Variants in ARHGAP44 observed in about 807,000 individuals in gnomAD.
ARHGAP44 encodes the protein Rho GTPase activating protein 44.
A neutral mutation model predicts 106.8 loss-of-function variants in ARHGAP44; 43 were observed. The observed-to-expected ratio is 0.40, with a 90% CI of 0.32 to 0.52. ARHGAP44 has a LOEUF of 0.52. Among genes scored for constraint, ARHGAP44 ranks in the 20% least tolerant of loss-of-function variants. The pLI, the probability that ARHGAP44 is intolerant of heterozygous loss-of-function variation, is 0.48. For missense variants in ARHGAP44, 866 were observed against 1,050.5 expected, an observed-to-expected ratio of 0.82 and a Z score of 2.43; for synonymous variants, 439 against 410.3, an observed-to-expected ratio of 1.07 and a Z score of -0.85.
chr17:12,911,849 G>C (rs2037747013), intron 4 of ARHGAP44, among the ~76,000 whole-genome samples: 1 of 152,130 alleles, frequency 6.6e-6, no homozygotes, highest in Non-Finnish European at 1.5e-5. Flanking sequence ...CAGCCCCCCA[G>C]GACTTTACCC....
At chr17:12,885,457 A>G (rs923812947) in intron 1 of ARHGAP44, among the ~76,000 whole-genome samples, 1 of 151,458 alleles carries the variant, frequency 6.6e-6, no homozygotes. Context: ...CGGCTGTACC[A>G]TTTTGCTGTG....
Position 12,987,160 on chromosome 17 carries a change from G to A in ARHGAP44, c.2317+2252G>A, listed in dbSNP as rs937596946. ...GTGAGGGGGATTTTCAGGGTAAGCT[G>A]GCCCCGGCCTCGCCCCTCCACCCCG... On this transcript the variant is annotated intron_variant, in intron 20 of 20. Transcript: ENST00000379672. 35 of 1,532,388 alleles carry A rather than the reference G, an allele frequency of 2.3e-5. No homozygotes were observed. In the Admixed American group the frequency reaches 6.6e-4, roughly 29 times the overall value. The allele number at this position is 1,532,388 out of a possible 1,614,324, so 94.9% of individuals were successfully genotyped here.
chr17:12,987,157 G>A, intron 20 of ARHGAP44: 4 of 1,533,070 alleles, frequency 2.6e-6, no homozygotes, highest in Non-Finnish European at 3.5e-6. Context: ...TTCAGGGTAA[G>A]CTGGCCCCGG....
chr17:12,947,344 G>A lies in ARHGAP44; in HGVS notation c.862-1796G>A, dbSNP rs1291523004. ...CATCCTCGAAACTTCTAGTTCCTTT[G>A]GCCCTCTGGTTCCCTCTGGCCTCTG... On this transcript the variant is annotated intron_variant, in intron 10 of 20. Transcript: ENST00000379672. 2.0e-5 allele frequency among the ~76,000 whole-genome samples: 3 copies of A among 152,184 alleles called. No individual in the cohort carries two copies. The South Asian group carries it at 6.2e-4, about 32-fold the overall frequency.
At chr17:12,886,818 C>G (rs1567668842) in intron 1 of ARHGAP44, among the ~76,000 whole-genome samples, 1 of 151,888 alleles carries the variant, frequency 6.6e-6, no homozygotes, top group Non-Finnish European at 1.5e-5. Context: ...ACTTCCAGGA[C>G]CATGATGAAT....
intron 7 of ARHGAP44, among the ~76,000 whole-genome samples, chr17:12,931,715 G>C (rs578103303): frequency 2.0e-5 from 3 of 151,952 alleles, no homozygotes; most frequent in African/African-American, 7.2e-5. Flanking sequence ...TAGCCAGGAT[G>C]GTCTCAATCT....
chr17:12,806,653 A>G (rs887025804), intron 1 of ARHGAP44, among the ~76,000 whole-genome samples: 1 of 152,222 alleles, frequency 6.6e-6, no homozygotes, highest in Non-Finnish European at 1.5e-5. Flanking sequence ...TCAGATTCCC[A>G]TAGGTGCATA....
chr17:12,794,564 A>G (rs973120161), intron 1 of ARHGAP44, among the ~76,000 whole-genome samples: 3 of 152,058 alleles, frequency 2.0e-5, no homozygotes, highest in African/African-American at 4.8e-5. Flanking sequence ...AGTGTCTGGG[A>G]GTAGGTGAGG....
chr17:12,974,120 G>C lies in ARHGAP44; in HGVS notation c.1573G>C (p.Val525Leu). Residue 525 changes from valine to leucine, a missense_variant, in exon 18 of 21, where the codon GTG becomes CTG. Coordinates refer to ENST00000379672, the MANE Select transcript of ARHGAP44 (RefSeq NM_014859.6). ...MGVRVMDTNW[V>L]ARRGSSAGRK... ...TGTGAGGGTCATGGACACAAACTGG[G>C]TGGCTCGAAGAGGCTCCTCGGCCGG... 6.4e-7 allele frequency: 1 copy of C among 1,571,376 alleles called. No individual in the cohort carries two copies. Among genetic ancestry groups the C allele is most frequent in the South Asian group, 1.2e-5 (1 of 85,420 alleles).
At chr17:12,809,089 C>G (rs895787100) in intron 1 of ARHGAP44, among the ~76,000 whole-genome samples, 10 of 152,160 alleles carry the variant, frequency 6.6e-5, no homozygotes, top group Non-Finnish European at 1.2e-4. Flanking sequence ...AAACACAGCA[C>G]GAGTCACCTT....
chr17:12,928,818 G>C (rs2038320469), intron 6 of ARHGAP44, 111 bp from the exon 7 acceptor site: 1 of 898,856 alleles, frequency 1.1e-6, no homozygotes, highest in Non-Finnish European at 1.7e-6. Context: ...TTTCCAGTGA[G>C]GGTATGTAGT....
intron 1 of ARHGAP44, among the ~76,000 whole-genome samples, chr17:12,814,704 T>G (rs1275038809): frequency 1.3e-5 from 2 of 152,204 alleles, no homozygotes; most frequent in Non-Finnish European, 2.9e-5. Context: ...ATATTACATA[T>G]AGCAAATGCT....
chr17:12,977,251 C>T (rs1481563199), intron 18 of ARHGAP44, among the ~76,000 whole-genome samples: 2 of 152,046 alleles, frequency 1.3e-5, no homozygotes, highest in African/African-American at 4.8e-5. Flanking sequence ...TTGTTCTCTC[C>T]CCGCATGGGT....
At chr17:12,831,639 T>C (rs2035092329) in intron 1 of ARHGAP44, among the ~76,000 whole-genome samples, 1 of 152,192 alleles carries the variant, frequency 6.6e-6, no homozygotes, top group Admixed American at 6.5e-5. Flanking sequence ...CCCTGTTCTT[T>C]CTGATGAGTG....
At chr17:12,961,170 TGAGA>T (rs1261177708) in intron 16 of ARHGAP44, among the ~76,000 whole-genome samples, 1 of 152,158 alleles carries the variant, frequency 6.6e-6, no homozygotes, top group African/African-American at 2.4e-5. Flanking sequence ...AAATGGCCTC[TGAGA>T]GAGAGTTACC....
chr17:12,955,662 C>T (rs2039108351), intron 13 of ARHGAP44: 1 of 494,428 alleles, frequency 2.0e-6, no homozygotes. Context: ...GACACCTGAC[C>T]CAGTGAGATC....
At chr17:12,834,111 A>G (rs543427390) in intron 1 of ARHGAP44, among the ~76,000 whole-genome samples, 12 of 152,194 alleles carry the variant, frequency 7.9e-5, no homozygotes, top group African/African-American at 1.9e-4. Flanking sequence ...TACGGGTCCA[A>G]TTAGATGGTT....
At chr17:12,952,157 A>G (rs1297274184) in intron 12 of ARHGAP44, among the ~76,000 whole-genome samples, 1 of 152,224 alleles carries the variant, frequency 6.6e-6, no homozygotes, top group Non-Finnish European at 1.5e-5. Context: ...GGAGTCATGC[A>G]GAATACAGGC....
intron 20 of ARHGAP44, chr17:12,987,211 T>C (rs2039983275): frequency 1.4e-6 from 2 of 1,430,246 alleles, no homozygotes; most frequent in South Asian, 1.3e-5. Context: ...AGCTGCCCGC[T>C]CCTCCCCTCC....
Sources: allele counts gnomAD v4.1 joint callset (sites outside exome capture counted in the v4.1 genomes callset), GRCh38; gene constraint gnomAD v4.1.1; transcripts MANE v1.5; gene names NCBI Gene and HGNC (gene_info 2026-07-23, HGNC 2026-07-21).